CALN1: variants seen among roughly 807,000 people sequenced by gnomAD.
CALN1 encodes the protein calcium-binding protein 8.
In CALN1, 17 loss-of-function variants were observed where a neutral mutation model predicts 30.6. That is an observed-to-expected ratio of 0.56 (90% confidence interval 0.38 to 0.83). The LOEUF (loss-of-function observed/expected upper bound fraction) is 0.83. CALN1 is among the 40% of genes least tolerant of loss of function. CALN1 has a pLI of 0.00. For synonymous variants in CALN1, 156 were observed against 131.4 expected, an observed-to-expected ratio of 1.19 and a Z score of -1.28; for missense variants, 291 against 354.9, an observed-to-expected ratio of 0.82 and a Z score of 1.45.
chr7:72,109,659 C>T (rs998464738), intron 3 of CALN1, among the ~76,000 whole-genome samples: 8 of 152,212 alleles, frequency 5.3e-5, no homozygotes, highest in African/African-American at 1.9e-4. Context: ...GGAGCCACTA[C>T]TCAGCTTGAG....
chr7:72,113,331 G>A (rs2129541678), intron 3 of CALN1, among the ~76,000 whole-genome samples: 1 of 152,200 alleles, frequency 6.6e-6, no homozygotes, highest in South Asian at 2.1e-4. Context: ...TGGGATCTTT[G>A]CACACACTGG....
chr7:72,088,262 T>C (rs747394948), intron 4 of CALN1, among the ~76,000 whole-genome samples: 2 of 152,120 alleles, frequency 1.3e-5, no homozygotes, highest in Non-Finnish European at 2.9e-5. Context: ...GAATATGAAC[T>C]GGTGACATTT....
chr7:72,358,539 C>A lies in CALN1; in HGVS notation c.119+44712G>T, dbSNP rs1160457419. On this transcript the variant is annotated intron_variant, in intron 2 of 6. Coordinates refer to ENST00000395275, the MANE Select transcript of CALN1 (RefSeq NM_031468.4). ...ATGTCCTAATTCTGGGTGCAACATACCAGAACTGGCACTGTGATCCCCGTC... is the reference window on the plus strand; with the variant it reads ...ATGTCCTAATTCTGGGTGCAACATAACAGAACTGGCACTGTGATCCCCGTC... Among the ~76,000 whole-genome samples, 5 of 152,168 alleles carry A rather than the reference C, an allele frequency of 3.3e-5. No individual in the cohort carries two copies. In the East Asian group the frequency reaches 9.6e-4, roughly 29 times the overall value.
At chr7:72,184,259 G>A (rs1036030435) in intron 3 of CALN1, among the ~76,000 whole-genome samples, 3 of 152,050 alleles carry the variant, frequency 2.0e-5, no homozygotes, top group Non-Finnish European at 4.4e-5. Flanking sequence ...CTGTGGACCC[G>A]GACAGCCTAA....
intron 5 of CALN1, among the ~76,000 whole-genome samples, chr7:71,825,711 A>G (rs1788867192): frequency 6.6e-6 from 1 of 152,106 alleles, no homozygotes; most frequent in African/African-American, 2.4e-5. Context: ...GAAGACTGGT[A>G]AAGGTATTGA....
chr7:72,054,544 CATAT>C (rs35330773), intron 4 of CALN1, among the ~76,000 whole-genome samples: 1,501 of 94,960 alleles, frequency 0.016, 86 homozygotes, highest in African/African-American at 0.042. Context: ...TATATATATA[CATAT>C]ATATATATAT....
upstream of CALN1, among the ~76,000 whole-genome samples, chr7:72,413,997 G>A (rs937600601): frequency 1.7e-4 from 26 of 152,012 alleles, no homozygotes; most frequent in Non-Finnish European, 2.8e-4. Flanking sequence ...TTCTGTTTTT[G>A]AGTCCCCTGC....
chr7:72,250,021 C>G (rs1034653918), intron 3 of CALN1, among the ~76,000 whole-genome samples: 4 of 152,008 alleles, frequency 2.6e-5, no homozygotes, highest in African/African-American at 9.7e-5. Flanking sequence ...GCTAAGACCG[C>G]TCCTTTAACT....
chr7:72,481,731 G>C, the CALN1 span, among the ~76,000 whole-genome samples: 1 of 152,090 alleles, frequency 6.6e-6, no homozygotes, highest in Non-Finnish European at 1.5e-5. Context: ...TTTTAAAAGT[G>C]TGTTATTTGA....
chr7:72,319,891 T>G (rs911935649), intron 2 of CALN1, among the ~76,000 whole-genome samples: 8 of 152,006 alleles, frequency 5.3e-5, no homozygotes, highest in African/African-American at 1.7e-4. Flanking sequence ...AGAAATTACT[T>G]AATGGATACA....
chr7:72,038,270 C>T (rs1562999540), intron 4 of CALN1, among the ~76,000 whole-genome samples: 1 of 152,278 alleles, frequency 6.6e-6, no homozygotes, highest in East Asian at 1.9e-4. Context: ...TTTACCCCAC[C>T]CCCAAAGCTT....
At chr7:72,162,297 A>C (rs1010443403) in intron 3 of CALN1, among the ~76,000 whole-genome samples, 2 of 152,156 alleles carry the variant, frequency 1.3e-5, no homozygotes, top group Non-Finnish European at 2.9e-5. Flanking sequence ...ATGGCAGAGT[A>C]GCTCTTATCA....
chr7:72,203,740 C>G (rs1791603955), intron 3 of CALN1, among the ~76,000 whole-genome samples: 1 of 152,170 alleles, frequency 6.6e-6, no homozygotes, highest in African/African-American at 2.4e-5. Context: ...CCAAACAGGG[C>G]AACATCATTT....
chr7:72,281,423 G>A (rs534313695), intron 2 of CALN1, among the ~76,000 whole-genome samples: 2 of 152,314 alleles, frequency 1.3e-5, no homozygotes, highest in Non-Finnish European at 2.9e-5. Context: ...CACTTCTTAT[G>A]TGATTTCAAC....
At chr7:71,900,514 A>C (rs1358126106) in intron 5 of CALN1, among the ~76,000 whole-genome samples, 1 of 152,234 alleles carries the variant, frequency 6.6e-6, no homozygotes, top group African/African-American at 2.4e-5. Context: ...ATACACCACT[A>C]ACAATCAAGC....
intron 3 of CALN1, among the ~76,000 whole-genome samples, chr7:72,117,191 C>A (rs1808045522): frequency 6.6e-6 from 1 of 152,162 alleles, no homozygotes; most frequent in Non-Finnish European, 1.5e-5. Flanking sequence ...TTGGTGCACA[C>A]CTGCAGTCCC....
chr7:71,967,984 ATAAAGT>A (rs1447394735), intron 5 of CALN1, among the ~76,000 whole-genome samples: 4 of 152,252 alleles, frequency 2.6e-5, no homozygotes, highest in Non-Finnish European at 5.9e-5. Flanking sequence ...GCATCTCTGT[ATAAAGT>A]TAAACATACA....
intron 1 of CALN1, among the ~76,000 whole-genome samples, chr7:72,444,865 G>A (rs1031449475): frequency 9.2e-5 from 14 of 152,176 alleles, no homozygotes; most frequent in African/African-American, 2.7e-4. Context: ...GTGTGGTGAA[G>A]CTGAGACTCC....
At chr7:72,227,624 T>A (rs1218470037) in intron 3 of CALN1, among the ~76,000 whole-genome samples, 1 of 151,866 alleles carries the variant, frequency 6.6e-6, no homozygotes, top group Non-Finnish European at 1.5e-5. Context: ...GTTAAAAAAC[T>A]ATCTGTTGGG....
Sources: gnomAD v4.1 joint callset for allele counts (sites outside exome capture counted in the v4.1 genomes callset) on GRCh38, gnomAD v4.1.1 for gene constraint, MANE v1.5 for transcripts, NCBI Gene and HGNC (gene_info 2026-07-23, HGNC 2026-07-21) for gene names.